The following KMT2C variants were observed in gnomAD, a reference collection of about 807,000 sequenced individuals.
KMT2C encodes lysine methyltransferase 2C.
Under a neutral mutation model 507.9 loss-of-function variants are expected in KMT2C, and 88 were observed. The ratio of observed to expected loss-of-function variants is 0.17; its 90% CI spans 0.15 to 0.21. The LOEUF is 0.21. Among genes scored for constraint, KMT2C ranks in the 10% least tolerant of loss-of-function variants. KMT2C has a pLI of 1.00. For missense variants in KMT2C, 4,954 were observed against 5,957.8 expected (o/e 0.83, Z 5.55); for synonymous variants, 2,049 against 2,080.8 (o/e 0.98, Z 0.42).
Position 152,158,916 on chromosome 7 carries a change from C to T in KMT2C, c.11617G>A (p.Glu3873Lys), listed in dbSNP as rs770245368. The change falls in exon 44 of 59, where the codon GAG becomes AAG. Residue 3873 changes from glutamate (E) to lysine (K), a missense_variant. Physicochemically the swap from Glu to Lys is moderately conservative, Grantham distance 56. Transcript: ENST00000262189. The part of the protein sequence containing the change: ...PRSKKRKKDE[E>K]EKQAMYSSTD... ...CTAGAGTACATAGCTTGTTTCTCCT[C>T]TTCGTCCTTTTTCCTTTTCTTTGAG... 5.6e-6 allele frequency: 9 copies of T among 1,613,870 alleles called. No homozygotes were observed. Among genetic ancestry groups the T allele is most frequent in the Non-Finnish European group, 6.8e-6 (8 of 1,179,834 alleles).
chr7:152,281,480 C>A (rs1434533621), intron 6 of KMT2C, among the ~76,000 whole-genome samples: 1 of 152,112 alleles, frequency 6.6e-6, no homozygotes, highest in African/African-American at 2.4e-5. Context: ...GCATGTAATC[C>A]CAACACTTTG....
intron 11 of KMT2C, among the ~76,000 whole-genome samples, chr7:152,251,721 C>T (rs527852596): frequency 2.6e-5 from 4 of 152,060 alleles, no homozygotes; most frequent in African/African-American, 9.6e-5. Flanking sequence ...ACCCGGAATT[C>T]AAATACTAAA....
intron 1 of KMT2C, among the ~76,000 whole-genome samples, chr7:152,431,770 A>T (rs1237045791): frequency 6.6e-6 from 1 of 152,178 alleles, no homozygotes; most frequent in African/African-American, 2.4e-5. Context: ...ATAATATCAA[A>T]AATTTTATCA....
intron 53 of KMT2C, 81 bp from the exon 54 acceptor site, chr7:152,145,376 C>CA: frequency 2.8e-6 from 4 of 1,405,562 alleles, no homozygotes; most frequent in Non-Finnish European, 2.9e-6. Flanking sequence ...AAGGATGGCC[C>CA]ACGACAGAAA....
chr7:152,252,782 A>G, intron 9 of KMT2C, 67 bp from the exon 10 acceptor site: 2 of 1,157,186 alleles, frequency 1.7e-6, no homozygotes, highest in Non-Finnish European at 2.4e-6. Flanking sequence ...TTCTGATGTA[A>G]ACCTTTAAAA....
intron 12 of KMT2C, among the ~76,000 whole-genome samples, chr7:152,250,423 G>A (rs1399580027): frequency 1.3e-5 from 2 of 151,946 alleles, no homozygotes; most frequent in African/African-American, 2.4e-5. Context: ...TACAATAATA[G>A]CTCTTATCAA....
At chr7:152,158,673 G>A (rs878889609) in intron 44 of KMT2C, among the ~76,000 whole-genome samples, 190 bp downstream of exon 44, 12 of 151,850 alleles carry the variant, frequency 7.9e-5, no homozygotes, top group South Asian at 4.1e-4. Context: ...GTACCACCAC[G>A]CCCAGTAAAT....
At chr7:152,280,615 T>C (rs2096191065) in intron 6 of KMT2C, among the ~76,000 whole-genome samples, 1 of 152,036 alleles carries the variant, frequency 6.6e-6, no homozygotes, top group Non-Finnish European at 1.5e-5. Context: ...TGAATGCACC[T>C]AGAAGAGGAT....
At chr7:152,397,247 G>A (rs2097543128) in intron 1 of KMT2C, among the ~76,000 whole-genome samples, 1 of 151,252 alleles carries the variant, frequency 6.6e-6, no homozygotes, top group African/African-American at 2.4e-5. Flanking sequence ...CCAGGTTGGA[G>A]TGCAGGGGCT....
At chr7:152,273,203 A>G (rs1174837276) in intron 7 of KMT2C, among the ~76,000 whole-genome samples, 1 of 152,200 alleles carries the variant, frequency 6.6e-6, no homozygotes, top group Non-Finnish European at 1.5e-5. Flanking sequence ...ACTAAGATAG[A>G]TGAATCATGA....
intron 6 of KMT2C, among the ~76,000 whole-genome samples, chr7:152,294,459 T>C (rs1413608561): frequency 6.6e-6 from 1 of 152,158 alleles, no homozygotes; most frequent in Non-Finnish European, 1.5e-5. Context: ...TCCCGATTGC[T>C]TCCCATTAAA....
rs116849732 is a variant in KMT2C at position 152,152,522 on chromosome 7, C to T, written c.12526+183G>A. Among the ~76,000 whole-genome samples the T allele has an allele frequency of 2.7e-3, 409 of 152,308 alleles. 1 individual carries two copies. Among genetic ancestry groups the T allele is most frequent in the Non-Finnish European group, 4.0e-3 (275 of 68,024 alleles). ...TGACAGCATGACAGAATACACAGGC[C>T]AAAGCACTAGAGGTCAAAATCACAG... On this transcript the variant is annotated intron_variant, in intron 49 of 58. Coordinates refer to ENST00000262189, the MANE Select transcript of KMT2C (RefSeq NM_170606.3).
intron 1 of KMT2C, among the ~76,000 whole-genome samples, chr7:152,389,607 A>C (rs62495511): frequency 2.8e-4 from 43 of 152,094 alleles, no homozygotes; most frequent in African/African-American, 9.2e-4. Context: ...ATACCTGGCT[A>C]AGTTTTATTT....
chr7:152,384,581 C>T (rs1054045534), intron 1 of KMT2C, among the ~76,000 whole-genome samples: 8 of 147,080 alleles, frequency 5.4e-5, no homozygotes, highest in African/African-American at 1.2e-4. Context: ...ACCACCACCA[C>T]CACCACCACC....
chr7:152,147,707 C>CA (rs762588729), intron 52 of KMT2C, among the ~76,000 whole-genome samples: 3,785 of 46,306 alleles, frequency 0.082, 141 homozygotes, highest in African/African-American at 0.13. Flanking sequence ...AACTCCGTCT[C>CA]AAAAAAAAAA....
chr7:152,433,858 A>AGTGTGCGC (rs1275734212), intron 1 of KMT2C, among the ~76,000 whole-genome samples: 3 of 152,214 alleles, frequency 2.0e-5, no homozygotes, highest in East Asian at 3.9e-4. Flanking sequence ...CGTGCGTGTG[A>AGTGTGCGC]GTGTGCGCGT....
rs777435020 is a variant in KMT2C, at chr7:152,149,003, G to A, written c.12924C>T (p.Ala4308=). 68 of 1,561,944 alleles carry A rather than the reference G, an allele frequency of 4.4e-5. No homozygotes were observed. The highest frequency in any genetic ancestry group is 5.7e-5 in the Non-Finnish European group (66 of 1,156,666). ...KASPPASPPI[A]FPPAFEAAQV... Reference sequence around the variant, plus strand: ...GGGCTGCTTCAAAAGCAGGAGGGAAGGCGATGGGTGGTGAGGCAGGGGGAG... The same window carrying A: ...GGGCTGCTTCAAAAGCAGGAGGGAAAGCGATGGGTGGTGAGGCAGGGGGAG... The change falls in exon 52 of 59, where the codon GCC becomes GCT. Residue 4308 remains alanine, a synonymous_variant. Coordinates refer to ENST00000262189, the MANE Select transcript of KMT2C (RefSeq NM_170606.3).
At chr7:152,182,688 G>T in intron 35 of KMT2C, 94 bp from the exon 36 acceptor site, 9 of 1,145,096 alleles carry the variant, frequency 7.9e-6, no homozygotes, top group Non-Finnish European at 1.1e-5. Context: ...TAATTTGTTT[G>T]ATGTCAGCGC....
At chr7:152,389,858 T>A (rs1490798354) in intron 1 of KMT2C, among the ~76,000 whole-genome samples, 1 of 152,184 alleles carries the variant, frequency 6.6e-6, no homozygotes, top group East Asian at 1.9e-4. Context: ...GGTAAAAATA[T>A]ACAGCCATAA....
Sources: gnomAD v4.1 joint callset for allele counts (sites outside exome capture counted in the v4.1 genomes callset) on GRCh38, gnomAD v4.1.1 for gene constraint, MANE v1.5 for transcripts, NCBI Gene and HGNC (gene_info 2026-07-23, HGNC 2026-07-21) for gene names.